The following PCDH15 variants were observed in gnomAD, a reference collection of about 807,000 sequenced individuals.
PCDH15 encodes protocadherin-15.
Under a neutral mutation model 178.5 loss-of-function variants are expected in PCDH15, and 129 were observed. That is an observed-to-expected ratio of 0.72 (90% CI 0.63 to 0.84). The LOEUF is 0.84. Ranked by LOEUF, PCDH15 falls within the 40% of genes least tolerant of loss-of-function variation. The probability of loss-of-function intolerance (pLI) is 0.00; values close to 1 mark genes in which losing one functional copy is unlikely to be tolerated. For missense variants in PCDH15, 2,230 were observed against 2,099.9 expected, an observed-to-expected ratio of 1.06 and a Z score of -1.21; for synonymous variants, 800 against 732.0, an observed-to-expected ratio of 1.09 and a Z score of -1.50.
rs34609396 is a variant in PCDH15 at position 55,069,063 on chromosome 10, ATTT to A, written c.-80+97510_-80+97512del. 1.1e-3 allele frequency among the ~76,000 whole-genome samples: 162 copies of A among 143,238 alleles called. 1 individual carries two copies. The highest frequency in any genetic ancestry group is 3.1e-3 in the East Asian group (15 of 4,840). The allele number at this position is 143,238 out of a possible 152,430, so 94.0% of individuals were successfully genotyped here. A position where few individuals can be genotyped will look rare whatever the true frequency, so the allele number is the denominator to read the frequency against. ...CAGGTATGTTCCACCATGTCCAGCT[ATTT>A]TTTTTTTTTTTTGTATTTTTAGTAG... is the stretch of plus-strand genomic sequence containing the variant. On this transcript the variant is annotated intron_variant, in intron 2 of 5. Transcript: ENST00000458638.
chr10:55,195,654 A>C (rs1201425214), intron 1 of PCDH15, among the ~76,000 whole-genome samples: 2 of 32,620 alleles, frequency 6.1e-5, no homozygotes, highest in East Asian at 1.1e-3. Flanking sequence ...AACTCCATCT[A>C]AAAAAAAAAA....
At chr10:55,433,489 G>A (rs1245112495) in intron 2 of PCDH15, among the ~76,000 whole-genome samples, 2 of 152,054 alleles carry the variant, frequency 1.3e-5, no homozygotes, top group African/African-American at 4.8e-5. Context: ...TTACCTGGGT[G>A]ACAAAATAAT....
intron 2 of PCDH15, among the ~76,000 whole-genome samples, chr10:55,130,629 G>A (rs1420707110): frequency 6.6e-6 from 1 of 150,660 alleles, no homozygotes; most frequent in African/African-American, 2.5e-5. Context: ...CAAACCCTTT[G>A]TTTGTTACTT....
At chr10:54,791,490 C>A (rs1271910330) in intron 1 of PCDH15, among the ~76,000 whole-genome samples, 1 of 151,822 alleles carries the variant, frequency 6.6e-6, no homozygotes, top group East Asian at 1.9e-4. Context: ...CAGACCTTTT[C>A]TTTTCTTAAA....
At chr10:54,032,105 CT>C (rs1193544080) in intron 18 of PCDH15, among the ~76,000 whole-genome samples, 1 of 151,738 alleles carries the variant, frequency 6.6e-6, no homozygotes, top group African/African-American at 2.4e-5. Context: ...TCATTCTCAT[CT>C]TTTTCTCTGT....
At chr10:54,462,216 C>T (rs1204355427) in intron 3 of PCDH15, among the ~76,000 whole-genome samples, 2 of 151,824 alleles carry the variant, frequency 1.3e-5, no homozygotes, top group African/African-American at 2.4e-5. Context: ...ATCTTTAGGA[C>T]TTTCTGTAAA....
intron 3 of PCDH15, among the ~76,000 whole-genome samples, chr10:54,846,759 T>C (rs1435515919): frequency 6.6e-6 from 1 of 152,148 alleles, no homozygotes; most frequent in Non-Finnish European, 1.5e-5. Context: ...GCCAAAACCA[T>C]TTCCTGCCAA....
intron 2 of PCDH15, among the ~76,000 whole-genome samples, chr10:54,958,765 T>C (rs993271546): frequency 2.7e-5 from 4 of 150,146 alleles, no homozygotes; most frequent in Non-Finnish European, 5.9e-5. Context: ...AAAAGGATAG[T>C]CAAAAAAAAA....
At position 54,023,663 on chromosome 10, in the gene PCDH15, TTTA is replaced by T. The variant is rs1300117547; in HGVS notation, c.2221-469_2221-467del. ...TATGTTTGTTTATAATAAATAATAT[TTTA>T]TTATGTTATGCTGTTATTTATGTGA... On this transcript the variant is annotated intron_variant, in intron 18 of 37. Transcript: ENST00000644397. Among the ~76,000 whole-genome samples the T allele has an allele frequency of 1.2e-4, 18 of 144,682 alleles. No homozygotes were observed. In the East Asian group the frequency reaches 2.0e-3, roughly 16 times the overall value. The allele number at this position is 144,682 out of a possible 152,430, so 94.9% of individuals were successfully genotyped here.
At chr10:55,517,211 A>G (rs1261410001) in intron 2 of PCDH15, among the ~76,000 whole-genome samples, 1 of 152,138 alleles carries the variant, frequency 6.6e-6, no homozygotes, top group Non-Finnish European at 1.5e-5. Context: ...AAGTCCTTCA[A>G]CTAACAGTTT....
chr10:54,400,733 C>G (rs138388778), intron 3 of PCDH15, among the ~76,000 whole-genome samples: 1 of 151,720 alleles, frequency 6.6e-6, no homozygotes, highest in Non-Finnish European at 1.5e-5. Flanking sequence ...ATGACAAAGA[C>G]GAGAGGAAAA....
chr10:54,455,969 A>T (rs1348696699), intron 3 of PCDH15, among the ~76,000 whole-genome samples: 1 of 152,160 alleles, frequency 6.6e-6, no homozygotes, highest in African/African-American at 2.4e-5. Context: ...AGAAGTCAAG[A>T]ATAGAGCTTT....
intron 2 of PCDH15, among the ~76,000 whole-genome samples, chr10:54,998,869 T>C (rs1839717610): frequency 6.6e-6 from 1 of 152,202 alleles, no homozygotes; most frequent in South Asian, 2.1e-4. Flanking sequence ...TTCAGTTGTA[T>C]ATCAGGAACA....
chr10:54,959,368 G>T (rs192947081), intron 2 of PCDH15, among the ~76,000 whole-genome samples: 8 of 152,050 alleles, frequency 5.3e-5, no homozygotes, highest in African/African-American at 1.7e-4. Context: ...TAGAACAAAT[G>T]ATTGAATTAG....
intron 2 of PCDH15, among the ~76,000 whole-genome samples, chr10:54,624,371 A>G (rs1325018691): frequency 1.3e-5 from 2 of 152,200 alleles, no homozygotes; most frequent in African/African-American, 4.8e-5. Context: ...AAAACTACTG[A>G]TTGCCTTGAA....
At chr10:54,753,523 A>G (rs987649928) in intron 1 of PCDH15, among the ~76,000 whole-genome samples, 11 of 152,116 alleles carry the variant, frequency 7.2e-5, no homozygotes, top group Non-Finnish European at 1.2e-4. Flanking sequence ...AAAAAAAAAA[A>G]CTTAAATTAC....
chr10:54,354,422 T>C lies in PCDH15; in HGVS notation c.475-7938A>G, dbSNP rs986156906. Among the ~76,000 whole-genome samples the C allele has an allele frequency of 3.9e-5, 6 of 152,230 alleles. No individual in the cohort carries two copies. In the South Asian group the frequency reaches 1.2e-3, roughly 31 times the overall value. ...TCTTTCACTTCCTTTAATCTCCTTA[T>C]CTCTTTCTCTTTTTTAACTGTTTCC... On this transcript the variant is annotated intron_variant, in intron 5 of 37. Transcript: ENST00000644397.
At chr10:53,865,674 A>C (rs549410069) in intron 27 of PCDH15, among the ~76,000 whole-genome samples, 1 of 152,200 alleles carries the variant, frequency 6.6e-6, no homozygotes, top group Non-Finnish European at 1.5e-5. Context: ...ACTGTTAAAA[A>C]TGAGAATGCT....
In PCDH15 at chr10:53,986,278, G is replaced by A. The variant is rs147949742; in HGVS notation, c.2868+9371C>T. On this transcript the variant is annotated intron_variant, in intron 21 of 37. Transcript: ENST00000644397. ...AAAGTCAAAACTACAATCAGATATCGCCTCATGCTTTGTAGGATGGCTTTT... is the reference window on the plus strand; with the variant it reads ...AAAGTCAAAACTACAATCAGATATCACCTCATGCTTTGTAGGATGGCTTTT... 4.5e-3 allele frequency among the ~76,000 whole-genome samples: 690 copies of A among 152,204 alleles called. 6 individuals are homozygous for A. The highest frequency in any genetic ancestry group is 0.016 in the African/African-American group (646 of 41,520).
Sources: gnomAD v4.1 joint callset for allele counts (sites outside exome capture counted in the v4.1 genomes callset) on GRCh38, gnomAD v4.1.1 for gene constraint, MANE v1.5 for transcripts, NCBI Gene and HGNC (gene_info 2026-07-23, HGNC 2026-07-21) for gene names.